Variants in NAV2 observed in about 807,000 individuals in gnomAD.
NAV2 encodes the protein neuron navigator 2, also known as helicase, APC down-regulated 1.
In NAV2, 54 loss-of-function variants were observed where a neutral mutation model predicts 223.2. The observed-to-expected ratio is 0.24, with a 90% CI of 0.19 to 0.30. The LOEUF (loss-of-function observed/expected upper bound fraction) is 0.30, where lower values mean the gene tolerates loss of function less well. Among genes scored for constraint, NAV2 ranks in the 10% least tolerant of loss-of-function variants. NAV2 has a pLI of 1.00. For missense variants in NAV2, 2,806 were observed against 3,147.5 expected, an observed-to-expected ratio of 0.89 and a Z score of 2.60; for synonymous variants, 1,279 against 1,239.3, an observed-to-expected ratio of 1.03 and a Z score of -0.67.
chr11:19,974,727 A>T (rs750255879), intron 10 of NAV2, among the ~76,000 whole-genome samples: 1 of 152,188 alleles, frequency 6.6e-6, no homozygotes, highest in Non-Finnish European at 1.5e-5. Context: ...AGCAGTGTAC[A>T]GTCTACCTTG....
intron 31 of NAV2, among the ~76,000 whole-genome samples, chr11:20,098,479 T>C (rs1174893123): frequency 6.6e-6 from 1 of 152,222 alleles, no homozygotes; most frequent in East Asian, 1.9e-4. Flanking sequence ...CACTTGAATA[T>C]AGACTTTCAT....
intron 11 of NAV2, among the ~76,000 whole-genome samples, chr11:19,999,584 T>A (rs1591602306): frequency 6.6e-6 from 1 of 152,230 alleles, no homozygotes; most frequent in South Asian, 2.1e-4. Flanking sequence ...TTGGCCAGGC[T>A]GGTCTCAAAT....
chr11:20,107,595 A>T, intron 35 of NAV2, 69 bp from the exon 36 acceptor site: 1 of 1,265,478 alleles, frequency 7.9e-7, no homozygotes, highest in Non-Finnish European at 1.2e-6. Flanking sequence ...TGCTCGGACC[A>T]TGGCTTCACC....
chr11:19,476,678 T>G (rs1443216321), intron 1 of NAV2, among the ~76,000 whole-genome samples: 1 of 152,212 alleles, frequency 6.6e-6, no homozygotes, highest in Non-Finnish European at 1.5e-5. Context: ...TCAATCGCTG[T>G]GTGCAGGACT....
At position 19,756,992 on chromosome 11, in the gene NAV2, G is replaced by T. The variant is rs192689278; in HGVS notation, c.267+43030G>T. Among the ~76,000 whole-genome samples, 353 of 140,664 alleles carry T rather than the reference G, an allele frequency of 2.5e-3. 2 individuals are homozygous for T. The highest frequency in any genetic ancestry group is 8.5e-3 in the African/African-American group (343 of 40,266). The allele number at this position is 140,664 out of a possible 152,430, so 92.3% of individuals were successfully genotyped here. On this transcript the variant is annotated intron_variant, in intron 1 of 37. Coordinates refer to ENST00000349880, the MANE Select transcript of NAV2 (RefSeq NM_145117.5). ...AAGGCCAGGGACCAAAACAGGAGGG[G>T]CTGCTGGGCTGGACTGAGCTGGGCT...
chr11:19,795,554 TA>T, intron 1 of NAV2, among the ~76,000 whole-genome samples: 1 of 152,256 alleles, frequency 6.6e-6, no homozygotes, highest in Non-Finnish European at 1.5e-5. Flanking sequence ...TCTGAAATCT[TA>T]TAAATTATAC....
At chr11:19,575,338 C>T (rs1350720563) in intron 1 of NAV2, 1 of 154,296 alleles carries the variant, frequency 6.5e-6, no homozygotes, top group South Asian at 2.0e-4. Flanking sequence ...GCATCTAGCA[C>T]AGGCGGTAGA....
chr11:20,023,448 G>A (rs1037194936), intron 11 of NAV2, among the ~76,000 whole-genome samples: 2 of 152,080 alleles, frequency 1.3e-5, no homozygotes, highest in South Asian at 2.1e-4. Flanking sequence ...TTTCCAAACC[G>A]TCTTATCAAA....
At chr11:19,914,125 C>A (rs1049667985) in intron 6 of NAV2, among the ~76,000 whole-genome samples, 4 of 152,192 alleles carry the variant, frequency 2.6e-5, no homozygotes, top group Non-Finnish European at 5.9e-5. Flanking sequence ...CAGGAATTGG[C>A]AAACACTATG....
chr11:19,685,162 G>A (rs1209738377), intron 1 of NAV2, among the ~76,000 whole-genome samples: 1 of 152,132 alleles, frequency 6.6e-6, no homozygotes, highest in African/African-American at 2.4e-5. Context: ...CCCTCAGAAG[G>A]CCCCACAGAC....
chr11:19,859,989 C>G (rs552778392), intron 3 of NAV2, among the ~76,000 whole-genome samples: 3 of 94,872 alleles, frequency 3.2e-5, no homozygotes, highest in East Asian at 6.0e-4. Context: ...GCTGGCCAGG[C>G]GGGGGGCTGA....
At chr11:19,788,996 G>A (rs1212203072) in intron 1 of NAV2, among the ~76,000 whole-genome samples, 1 of 151,976 alleles carries the variant, frequency 6.6e-6, no homozygotes, top group East Asian at 1.9e-4. Context: ...CTCTCATGAG[G>A]GCAAGAATCC....
At chr11:19,689,893 G>T (rs2049119763) in intron 1 of NAV2, among the ~76,000 whole-genome samples, 1 of 152,226 alleles carries the variant, frequency 6.6e-6, no homozygotes, top group Non-Finnish European at 1.5e-5. Context: ...ACTATCATAT[G>T]AGAATCAAAC....
Position 19,585,481 on chromosome 11 carries a change from C to G in NAV2, c.75+234454C>G, listed in dbSNP as rs1211826252. Among the ~76,000 whole-genome samples the G allele has an allele frequency of 2.6e-5, 4 of 152,160 alleles. No individual in the cohort carries two copies. The East Asian group carries it at 7.7e-4, about 29-fold the overall frequency. On this transcript the variant is annotated intron_variant, in intron 1 of 37. Coordinates refer to the NAV2 transcript ENST00000360655. ...GCAGTTTCTTCCTAGCCTTGATGGT[C>G]TTTACAATTTGGCGTGTTTTTGCAG...
At chr11:20,096,660 C>T (rs965164989) in intron 30 of NAV2, among the ~76,000 whole-genome samples, 6 of 152,172 alleles carry the variant, frequency 3.9e-5, no homozygotes, top group African/African-American at 9.7e-5. Flanking sequence ...ATTGCACCAC[C>T]ATAATTACTT....
At chr11:19,902,694 G>A (rs112928402) in intron 6 of NAV2, among the ~76,000 whole-genome samples, 1,970 of 152,150 alleles carry the variant, frequency 0.013, 45 homozygotes, top group African/African-American at 0.045. Flanking sequence ...TCATTGGGAG[G>A]GAGAAGTATT....
chr11:20,056,936 G>T (rs1398623062), intron 19 of NAV2, among the ~76,000 whole-genome samples: 1 of 152,146 alleles, frequency 6.6e-6, no homozygotes, highest in Non-Finnish European at 1.5e-5. Context: ...GTCATGGCCT[G>T]TAATAACACA....
At chr11:19,804,437 G>A (rs2058436327) in intron 1 of NAV2, among the ~76,000 whole-genome samples, 1 of 152,148 alleles carries the variant, frequency 6.6e-6, no homozygotes, top group Admixed American at 6.5e-5. Flanking sequence ...GAAATGCAGG[G>A]TGGATCTTAT....
intron 20 of NAV2, among the ~76,000 whole-genome samples, chr11:20,064,541 G>A (rs996053603): frequency 6.6e-6 from 1 of 152,144 alleles, no homozygotes. Flanking sequence ...CAGACTTGGA[G>A]GGAAAGAGCT....
Sources: gnomAD v4.1 joint callset for allele counts (sites outside exome capture counted in the v4.1 genomes callset) on GRCh38, gnomAD v4.1.1 for gene constraint, MANE v1.5 for transcripts, NCBI Gene and HGNC (gene_info 2026-07-23, HGNC 2026-07-21) for gene names.